NDUFAF1: variants seen among roughly 807,000 people sequenced by gnomAD.
NDUFAF1 encodes the protein NADH:ubiquinone oxidoreductase complex assembly factor 1, also known as complex I intermediate-associated protein 30, mitochondrial.
Under a neutral mutation model 28.7 loss-of-function variants are expected in NDUFAF1, and 18 were observed. The observed-to-expected ratio is 0.63, with a 90% CI of 0.43 to 0.93. The LOEUF (loss-of-function observed/expected upper bound fraction) is 0.93. NDUFAF1 is among the 40% of genes least tolerant of loss of function. The pLI, the probability that NDUFAF1 is intolerant of heterozygous loss-of-function variation, is 0.00. For missense variants in NDUFAF1, 404 were observed against 398.3 expected (o/e 1.01, Z -0.12); for synonymous variants, 113 against 139.7 (o/e 0.81, Z 1.35).
chr15:41,398,296 A>G (rs2050418367), intron 1 of NDUFAF1, among the ~76,000 whole-genome samples: 2 of 151,728 alleles, frequency 1.3e-5, no homozygotes, highest in Admixed American at 1.3e-4. Context: ...GTTCGAGACC[A>G]GCCTTGACAA....
chr15:41,387,638 G>C lies in NDUFAF1; in HGVS notation c.835-45C>G, dbSNP rs368538142. On this transcript the variant is annotated intron_variant, in intron 4 of 4. Transcript: ENST00000260361. Reference sequence around the variant, plus strand: ...ATTGATTAAAATCTCATACAGTGACGTACTGAGATTATTCCAGGAGTTTAA... The same window carrying C: ...ATTGATTAAAATCTCATACAGTGACCTACTGAGATTATTCCAGGAGTTTAA... 87 of 1,485,700 alleles carry C rather than the reference G, an allele frequency of 5.9e-5. No individual in the cohort carries two copies. The African/African-American group carries it at 1.1e-3, about 19-fold the overall frequency. 92.0% of individuals were successfully genotyped at this position (1,485,700 alleles called of 1,614,324 possible). A position where few individuals can be genotyped will look rare whatever the true frequency, so the allele number is the denominator to read the frequency against.
chr15:41,388,450 T>C lies in NDUFAF1; in HGVS notation c.832A>G (p.Lys278Glu). 6.2e-7 allele frequency: 1 copy of C among 1,607,830 alleles called. No homozygotes were observed. Among genetic ancestry groups the C allele is most frequent in the Non-Finnish European group, 8.5e-7 (1 of 1,174,318 alleles). ...TGAAAAATACAGGAATATGTTACCT[T>C]ATCAAGCGGAAGCTCATGCTGAACA... is the stretch of plus-strand genomic sequence containing the variant. ...RDVQHELPLD[K>E]ISSIGFTLAD... Residue 278 changes from lysine to glutamate, a missense_variant and splice_region_variant, in exon 4 of 5, where the codon AAG (lysine) becomes GAG (glutamate). Transcript: ENST00000260361.
At position 41,394,994 on chromosome 15, in the gene NDUFAF1, C is replaced by T. The variant is rs1223365784; in HGVS notation, c.624G>A (p.Leu208=). ...MSYDWSQFNT[L]YLRVRGDGRP... is the part of the protein sequence containing the mutation. ...GACCATCCCCACGTACACGGAGATA[C>T]AGAGTATTGAACTGGGACCAATCGT... The change falls in exon 3 of 5, where the codon CTG becomes CTA. Residue 208 remains leucine, a synonymous_variant. Transcript: ENST00000260361. 1.9e-6 allele frequency: 3 copies of T among 1,614,102 alleles called. No homozygotes were observed. In the South Asian group the frequency reaches 3.3e-5, roughly 18 times the overall value.
chr15:41,396,350 C>T, intron 2 of NDUFAF1, 137 bp downstream of exon 2: 1 of 812,182 alleles, frequency 1.2e-6, no homozygotes, highest in Non-Finnish European at 1.9e-6. Flanking sequence ...TTACTTATCC[C>T]CAGACACAGG....
rs544750319 is a variant in NDUFAF1, at chr15:41,394,731, T to G, written c.759+128A>C. On this transcript the variant is annotated intron_variant, in intron 3 of 4. Transcript: ENST00000260361. ...CTAGGTTTCACCATGTTGGCCAACC[T>G]GGTCTCGAACTCCTGACCTCAGGTG... 6.1e-4 allele frequency: 476 copies of G among 784,744 alleles called. 1 individual carries two copies. In the African/African-American group the frequency reaches 7.6e-3, roughly 13 times the overall value. The allele number at this position is 784,744 out of a possible 1,614,324, so 48.6% of individuals were successfully genotyped here.
At chr15:41,392,833 G>C (rs564035197) in intron 3 of NDUFAF1, among the ~76,000 whole-genome samples, 2 of 152,150 alleles carry the variant, frequency 1.3e-5, no homozygotes, top group East Asian at 3.9e-4. Context: ...GCATGTAAAT[G>C]ATGTCATCTG....
chr15:41,402,112 GAGT>G (rs1566828352), intron 1 of NDUFAF1, 29 bp downstream of exon 1: 1 of 432,114 alleles, frequency 2.3e-6, no homozygotes, highest in East Asian at 7.2e-5. Flanking sequence ...AGCTAGAAGT[GAGT>G]AGAATTAGTA....
intron 3 of NDUFAF1, chr15:41,394,500 T>C (rs1470522830): frequency 1.5e-6 from 1 of 649,390 alleles, no homozygotes; most frequent in Admixed American, 2.6e-5. Context: ...ATGTTAACAT[T>C]TATATTAATG....
At chr15:41,401,428 G>A (rs911777514) in intron 1 of NDUFAF1, among the ~76,000 whole-genome samples, 1 of 148,442 alleles carries the variant, frequency 6.7e-6, no homozygotes, top group African/African-American at 2.5e-5. Flanking sequence ...CCGCCACCAT[G>A]CCCAACTTTT....
In NDUFAF1 at chr15:41,396,802, A is replaced by C; in HGVS notation, c.258T>G (p.Ile86Met). Residue 86 changes from isoleucine (I) to methionine (M), a missense_variant, in exon 2 of 5, where the codon ATT (isoleucine) becomes ATG (methionine). Physicochemically the swap from Ile to Met is conservative, Grantham distance 10. Transcript: ENST00000260361. The stretch of plus-strand genomic sequence containing the variant: ...TAAAATGGTATATTGCTTCATCTCT[A>C]ATTGCTTTATCGAAACTAACATCAG... ...EKPDVSFDKA[I>M]RDEAIYHFRL... is the part of the protein sequence containing the mutation. 1 of 1,614,088 alleles carries C rather than the reference A, an allele frequency of 6.2e-7. No individual in the cohort carries two copies. The highest frequency in any genetic ancestry group is 1.1e-5 in the South Asian group (1 of 91,082).
intron 2 of NDUFAF1, 93 bp downstream of exon 2, chr15:41,396,394 A>T: frequency 1.5e-6 from 2 of 1,297,776 alleles, no homozygotes; most frequent in South Asian, 2.5e-5. Flanking sequence ...AGGTGTTTTC[A>T]TTTACAGAAA....
At position 41,402,340 on chromosome 15, in the gene NDUFAF1, G is replaced by A. The variant is rs767805432; in HGVS notation, c.-278C>T. ...CGCACTCACGGCCTGGCCTCCGGAG[G>A]CTAGACGGTTCGCCGCGCTGGGGAG... On this transcript the variant is annotated 5_prime_UTR_variant, in exon 1 of 5. Transcript: ENST00000260361. 8.8e-6 allele frequency: 4 copies of A among 454,010 alleles called. No homozygotes were observed. Among genetic ancestry groups the A allele is most frequent in the South Asian group, 6.2e-5 (4 of 64,478 alleles). The allele number at this position is 454,010 out of a possible 1,614,324, so 28.1% of individuals were successfully genotyped here. A position where few individuals can be genotyped will look rare whatever the true frequency, so the allele number is the denominator to read the frequency against.
At chr15:41,395,669 C>CTTTT (rs11318328) in intron 2 of NDUFAF1, among the ~76,000 whole-genome samples, 1 of 63,156 alleles carries the variant, frequency 1.6e-5, no homozygotes. Context: ...TGCGCCCGGC[C>CTTTT]TTTTTTTTTT....
At chr15:41,394,683 G>C (rs1044471462) in intron 3 of NDUFAF1, among the ~76,000 whole-genome samples, 176 bp downstream of exon 3, 20 of 140,922 alleles carry the variant, frequency 1.4e-4, no homozygotes, top group Admixed American at 1.0e-3. Flanking sequence ...GCCCAGGCTG[G>C]AGTACAATGG....
intron 2 of NDUFAF1, among the ~76,000 whole-genome samples, chr15:41,395,898 GC>G (rs1284042672): frequency 6.6e-6 from 1 of 151,508 alleles, no homozygotes; most frequent in East Asian, 2.0e-4. Context: ...GACCAGCCTG[GC>G]CAACATGGTG....
intron 1 of NDUFAF1, among the ~76,000 whole-genome samples, chr15:41,401,673 G>A (rs1304661360): frequency 6.6e-6 from 1 of 151,204 alleles, no homozygotes; most frequent in South Asian, 2.1e-4. Context: ...TGATCCGCCC[G>A]CCTCGGCCTC....
In NDUFAF1 at chr15:41,396,514, G is replaced by C; in HGVS notation, c.546C>G (p.Tyr182Ter). 1 of 1,614,156 alleles carries C rather than the reference G, an allele frequency of 6.2e-7. No homozygotes were observed. Among genetic ancestry groups the C allele is most frequent in the Non-Finnish European group, 8.5e-7 (1 of 1,180,048 alleles). Residue 182 changes from tyrosine (Y) to a stop codon, truncating the protein, a stop_gained, in exon 2 of 5, where the codon TAC becomes TAG. Transcript: ENST00000260361. LOFTEE classifies it high-confidence loss of function. ...TTGGAATCCTGGATATCATTGCACA[G>C]TACCCACTTCGGGTAGACTCCCCGT... is the stretch of plus-strand genomic sequence containing the variant. ...PQDGESTRSG[Y>*]CAMISRIPRG...
chr15:41,399,520 G>A (rs1412859970), intron 1 of NDUFAF1, among the ~76,000 whole-genome samples: 4 of 150,716 alleles, frequency 2.7e-5, no homozygotes, highest in South Asian at 4.2e-4. Flanking sequence ...CTGCACCATC[G>A]CACTCCAGCC....
At position 41,388,497 on chromosome 15, in the gene NDUFAF1, GAGA is replaced by G. The variant is rs1566820527; in HGVS notation, c.782_784del (p.Phe261del). The G allele has an allele frequency of 6.2e-7, 1 of 1,612,782 alleles. No homozygotes were observed. Among genetic ancestry groups the G allele is most frequent in the Non-Finnish European group, 8.5e-7 (1 of 1,178,878 alleles). On this transcript the variant is annotated inframe_deletion, in exon 4 of 5. Transcript: ENST00000260361. ...AACATCCCGGATTCTTCCTCGATTA[GAGA>G]AGAAAAATTTGGAAAAAGGAATCTG...
Sources: gnomAD v4.1 joint callset for allele counts (sites outside exome capture counted in the v4.1 genomes callset) on GRCh38, gnomAD v4.1.1 for gene constraint, MANE v1.5 for transcripts, NCBI Gene and HGNC (gene_info 2026-07-23, HGNC 2026-07-21) for gene names.